The following ARHGAP15 variants were observed in gnomAD, a reference collection of about 807,000 sequenced individuals.
ARHGAP15 encodes the protein Rho GTPase activating protein 15.
Under a neutral mutation model 63.7 loss-of-function variants are expected in ARHGAP15, and 51 were observed. That is an observed-to-expected ratio of 0.80 (90% CI 0.64 to 1.01). The LOEUF is 1.01. Among genes scored for constraint, ARHGAP15 ranks in the 50% least tolerant of loss-of-function variants. ARHGAP15 has a pLI of 0.00. For synonymous variants in ARHGAP15, 191 were observed against 193.8 expected, an observed-to-expected ratio of 0.99 and a Z score of 0.12; for missense variants, 560 against 564.6, an observed-to-expected ratio of 0.99 and a Z score of 0.08.
At chr2:143,142,590 G>A (rs78389360) in intron 1 of ARHGAP15, among the ~76,000 whole-genome samples, 2,919 of 152,112 alleles carry the variant, frequency 0.019, 88 homozygotes, top group African/African-American at 0.065. Flanking sequence ...TTTTTGAATC[G>A]CATGATGTAG....
At chr2:143,402,441 C>T (rs529174897) in intron 6 of ARHGAP15, among the ~76,000 whole-genome samples, 73 of 151,316 alleles carry the variant, frequency 4.8e-4, no homozygotes, top group Non-Finnish European at 8.6e-4. Context: ...CTTCTGAGTT[C>T]GCAAAAGGAA....
At position 143,450,584 on chromosome 2, in the gene ARHGAP15, T is replaced by C. The variant is rs570127926; in HGVS notation, c.703+13542T>C. 1.1e-4 allele frequency among the ~76,000 whole-genome samples: 16 copies of C among 152,106 alleles called. No individual in the cohort carries two copies. The South Asian group carries it at 3.3e-3, about 32-fold the overall frequency. Reference sequence around the variant, plus strand: ...ATAGTTTTAATTCTTTAACACAGTTTGGGAGTATATATTTTTTACCTCGCA... The same window carrying C: ...ATAGTTTTAATTCTTTAACACAGTTCGGGAGTATATATTTTTTACCTCGCA... On this transcript the variant is annotated intron_variant, in intron 8 of 13. Coordinates refer to ENST00000295095, the MANE Select transcript of ARHGAP15 (RefSeq NM_018460.4).
At chr2:143,454,815 A>G (rs1423298966) in intron 8 of ARHGAP15, among the ~76,000 whole-genome samples, 1 of 152,096 alleles carries the variant, frequency 6.6e-6, no homozygotes, top group Non-Finnish European at 1.5e-5. Flanking sequence ...TATTTAGGGA[A>G]CAAACAAAGA....
chr2:143,585,442 A>C (rs2105155305), intron 11 of ARHGAP15, among the ~76,000 whole-genome samples: 1 of 152,258 alleles, frequency 6.6e-6, no homozygotes, highest in Admixed American at 6.5e-5. Context: ...TTAGTGAACA[A>C]CACCATTCTA....
intron 8 of ARHGAP15, among the ~76,000 whole-genome samples, chr2:143,470,963 A>ATATG (rs146463185): frequency 6.8e-6 from 1 of 147,962 alleles, no homozygotes; most frequent in Non-Finnish European, 1.5e-5. Context: ...TGTGTATCAT[A>ATATG]TGTGTGTACA....
At chr2:143,593,820 C>G (rs1397557762) in intron 11 of ARHGAP15, among the ~76,000 whole-genome samples, 1 of 151,948 alleles carries the variant, frequency 6.6e-6, no homozygotes, top group Non-Finnish European at 1.5e-5. Flanking sequence ...TCTTTTAAAC[C>G]AACAATAAAG....
chr2:143,694,325 C>T (rs1471128939), intron 12 of ARHGAP15, among the ~76,000 whole-genome samples: 1 of 152,088 alleles, frequency 6.6e-6, no homozygotes, highest in Admixed American at 6.6e-5. Context: ...CAATTTTCTA[C>T]CTAGCTGCAA....
At chr2:143,595,056 G>A (rs1056446758) in intron 11 of ARHGAP15, among the ~76,000 whole-genome samples, 3 of 152,160 alleles carry the variant, frequency 2.0e-5, no homozygotes, top group African/African-American at 7.2e-5. Context: ...ATAAAATGAA[G>A]AGTGGTGCTG....
intron 13 of ARHGAP15, among the ~76,000 whole-genome samples, chr2:143,760,021 G>A (rs1312363295): frequency 6.6e-6 from 1 of 152,062 alleles, no homozygotes; most frequent in East Asian, 1.9e-4. Flanking sequence ...ATTGCTTAGT[G>A]TATGGTTTGT....
At chr2:143,423,326 T>A (rs558370891) in intron 6 of ARHGAP15, among the ~76,000 whole-genome samples, 17 of 145,750 alleles carry the variant, frequency 1.2e-4, no homozygotes, top group African/African-American at 4.3e-4. Context: ...TCTTTACTAG[T>A]ATACCAAATA....
intron 6 of ARHGAP15, among the ~76,000 whole-genome samples, chr2:143,410,511 A>G: frequency 6.6e-6 from 1 of 152,240 alleles, no homozygotes; most frequent in East Asian, 1.9e-4. Context: ...ATGAACATTC[A>G]TTCTGCAAAT....
At position 143,305,735 on chromosome 2, in the gene ARHGAP15, G is replaced by C. The variant is rs77988644; in HGVS notation, c.474+55135G>C. On this transcript the variant is annotated intron_variant, in intron 6 of 13. Coordinates refer to ENST00000295095, the MANE Select transcript of ARHGAP15 (RefSeq NM_018460.4). The stretch of plus-strand genomic sequence containing the variant: ...AATCTTCTTATTGCAGCGTTTAACT[G>C]TCAATGAACTCTTTGGAAAAAATAA... 4.8e-3 allele frequency among the ~76,000 whole-genome samples: 735 copies of C among 152,104 alleles called. 4 individuals carry two copies. The highest frequency in any genetic ancestry group is 0.018 in the East Asian group (92 of 5,168).
At chr2:143,508,829 T>G (rs1473492007) in intron 9 of ARHGAP15, among the ~76,000 whole-genome samples, 1 of 152,184 alleles carries the variant, frequency 6.6e-6, no homozygotes, top group African/African-American at 2.4e-5. Flanking sequence ...CAAAATTAGA[T>G]TGACATCTAT....
Position 143,278,577 on chromosome 2 carries a change from C to T in ARHGAP15, c.474+27977C>T, listed in dbSNP as rs573586057. 6.6e-5 allele frequency among the ~76,000 whole-genome samples: 10 copies of T among 152,210 alleles called. No homozygotes were observed. In the South Asian group the frequency reaches 2.1e-3, roughly 32 times the overall value. ...CTATTGTCATTCACATTTCTTACCC[C>T]AAGTATCTAATTATCTAGTCCAAAT... On this transcript the variant is annotated intron_variant, in intron 6 of 13. Transcript: ENST00000295095.
intron 6 of ARHGAP15, among the ~76,000 whole-genome samples, chr2:143,252,027 C>A (rs1242861187): frequency 6.6e-6 from 1 of 151,912 alleles, no homozygotes; most frequent in Non-Finnish European, 1.5e-5. Context: ...GTGGTAGAGC[C>A]TTATTATGTA....
intron 6 of ARHGAP15, among the ~76,000 whole-genome samples, chr2:143,348,933 GCCT>G (rs1289944733): frequency 1.3e-5 from 2 of 152,062 alleles, no homozygotes; most frequent in African/African-American, 4.8e-5. Flanking sequence ...TCTATGAATC[GCCT>G]CCTGATTATG....
At chr2:143,403,755 C>T (rs1688083096) in intron 6 of ARHGAP15, among the ~76,000 whole-genome samples, 1 of 151,750 alleles carries the variant, frequency 6.6e-6, no homozygotes, top group South Asian at 2.1e-4. Flanking sequence ...ATTTTAAATA[C>T]AATTATTTAA....
intron 13 of ARHGAP15, among the ~76,000 whole-genome samples, chr2:143,708,968 AGAATCTT>A (rs1684452955): frequency 6.6e-6 from 1 of 152,158 alleles, no homozygotes; most frequent in African/African-American, 2.4e-5. Context: ...ATATCCACCT[AGAATCTT>A]ATCAACTACA....
chr2:143,645,541 G>A (rs1283129092), intron 12 of ARHGAP15, among the ~76,000 whole-genome samples: 1 of 152,040 alleles, frequency 6.6e-6, no homozygotes, highest in Non-Finnish European at 1.5e-5. Flanking sequence ...ACTCACTGAA[G>A]TACTTTTGCT....
Sources: gnomAD v4.1 joint callset for allele counts (sites outside exome capture counted in the v4.1 genomes callset) on GRCh38, gnomAD v4.1.1 for gene constraint, MANE v1.5 for transcripts, NCBI Gene and HGNC (gene_info 2026-07-23, HGNC 2026-07-21) for gene names.